The following LRRC53 variants were observed in gnomAD, a reference collection of about 807,000 sequenced individuals.
LRRC53 encodes the protein leucine-rich repeat-containing protein 53.
Under a neutral mutation model 13.6 loss-of-function variants are expected in LRRC53, and 25 were observed. The ratio of observed to expected loss-of-function variants is 1.83; its 90% CI spans 1.34 to 2.56. LRRC53 has a LOEUF of 2.56. LRRC53 is among the 30% of genes most tolerant of loss of function. The probability of loss-of-function intolerance (pLI) is 0.00; values close to 1 mark genes in which losing one functional copy is unlikely to be tolerated. For synonymous variants in LRRC53, 204 were observed against 109.8 expected, an observed-to-expected ratio of 1.86 and a Z score of -5.37; for missense variants, 527 against 275.8, an observed-to-expected ratio of 1.91 and a Z score of -6.45.
At chr1:74,500,473 G>T (rs1178097207) in intron 1 of LRRC53, among the ~76,000 whole-genome samples, 1 of 150,458 alleles carries the variant, frequency 6.6e-6, no homozygotes, top group East Asian at 1.9e-4. Flanking sequence ...GCGTAGTGGC[G>T]GGCGCCTGTA....
At position 74,504,966 on chromosome 1, in the gene LRRC53, A is replaced by G. The variant is rs1669818584; in HGVS notation, c.-27+7560T>C. On this transcript the variant is annotated intron_variant, in intron 1 of 4. Coordinates refer to ENST00000294635, the MANE Select transcript of LRRC53 (RefSeq NM_001382280.1). ...TCGCCGGAGGCAAACTGCTAAATAA[A>G]TGGTGACAGATTTCTCAGTTTTCAA... Among the ~76,000 whole-genome samples, 3 of 152,210 alleles carry G rather than the reference A, an allele frequency of 2.0e-5. No homozygotes were observed. The South Asian group carries it at 6.2e-4, about 32-fold the overall frequency.
At chr1:74,473,529 G>A (rs1445459357) in intron 4 of LRRC53, among the ~76,000 whole-genome samples, 2 of 109,640 alleles carry the variant, frequency 1.8e-5, no homozygotes, top group African/African-American at 7.0e-5. Flanking sequence ...TATTTAAAAG[G>A]CTATTTTTTT....
intron 1 of LRRC53, chr1:74,492,192 T>C: frequency 6.2e-7 from 1 of 1,613,190 alleles, no homozygotes; most frequent in Non-Finnish European, 8.5e-7. Context: ...GCCGGAGTCA[T>C]GTGGCAGCAT....
At chr1:74,506,169 C>T (rs1305408397) in intron 1 of LRRC53, among the ~76,000 whole-genome samples, 5 of 152,084 alleles carry the variant, frequency 3.3e-5, no homozygotes, top group Non-Finnish European at 5.9e-5. Context: ...AGAGAAGACA[C>T]GTTACATGTT....
intron 1 of LRRC53, among the ~76,000 whole-genome samples, chr1:74,507,793 A>G (rs567851508): frequency 6.6e-6 from 1 of 152,224 alleles, no homozygotes; most frequent in East Asian, 1.9e-4. Flanking sequence ...ATCCAGGAAC[A>G]TGGGCTCTGA....
Position 74,469,778 on chromosome 1 carries a change from A to G in LRRC53, c.*100T>C, listed in dbSNP as rs1049646344. On this transcript the variant is annotated 3_prime_UTR_variant, in exon 5 of 5. Transcript: ENST00000294635. ...TTACTGAGGACGTTGTTGTCCTCCA[A>G]AATGATCCACTTCTAATGCATGCAA... 12 of 397,700 alleles carry G rather than the reference A, an allele frequency of 3.0e-5. No homozygotes were observed. The highest frequency in any genetic ancestry group is 4.4e-5 in the Non-Finnish European group (10 of 225,314). 24.6% of individuals were successfully genotyped at this position (397,700 alleles called of 1,614,324 possible).
At chr1:74,526,186 A>G in the LRRC53 span, among the ~76,000 whole-genome samples, 11 of 152,242 alleles carry the variant, frequency 7.2e-5, no homozygotes, top group Admixed American at 3.3e-4. Flanking sequence ...CTTGTCATAA[A>G]GAACAAAGGA....
chr1:74,503,043 A>G (rs1473191437), intron 1 of LRRC53, among the ~76,000 whole-genome samples: 1 of 152,216 alleles, frequency 6.6e-6, no homozygotes, highest in East Asian at 1.9e-4. Flanking sequence ...AACTGAGTAC[A>G]CTGTAAAATT....
At chr1:74,481,256 A>G (rs973584617) in intron 2 of LRRC53, among the ~76,000 whole-genome samples, 1 of 152,174 alleles carries the variant, frequency 6.6e-6, no homozygotes, top group African/African-American at 2.4e-5. Flanking sequence ...GTTTCGGATT[A>G]TCTTCATCGA....
chr1:74,491,430 G>C (rs1264790863), intron 1 of LRRC53, among the ~76,000 whole-genome samples: 2 of 152,108 alleles, frequency 1.3e-5, no homozygotes, highest in Non-Finnish European at 2.9e-5. Flanking sequence ...ATGTTGACCA[G>C]ATGGTGTCGA....
chr1:74,529,434 A>T, the LRRC53 span, among the ~76,000 whole-genome samples: 1 of 152,228 alleles, frequency 6.6e-6, no homozygotes, highest in Non-Finnish European at 1.5e-5. Flanking sequence ...CACGGTTAGG[A>T]AATTCAAGTA....
chr1:74,485,112 G>A (rs917376950), intron 1 of LRRC53, among the ~76,000 whole-genome samples: 1 of 152,162 alleles, frequency 6.6e-6, no homozygotes, highest in Non-Finnish European at 1.5e-5. Context: ...TTTCTAGCTA[G>A]TGATAGACAT....
At chr1:74,510,795 T>C (rs1033295911) in intron 1 of LRRC53, among the ~76,000 whole-genome samples, 1 of 152,238 alleles carries the variant, frequency 6.6e-6, no homozygotes, top group Non-Finnish European at 1.5e-5. Context: ...TCCCTCTAGG[T>C]ACACAGCACT....
chr1:74,485,672 C>T (rs1668721148), intron 1 of LRRC53, among the ~76,000 whole-genome samples: 1 of 152,086 alleles, frequency 6.6e-6, no homozygotes, highest in South Asian at 2.1e-4. Context: ...CTGGGTGAGC[C>T]CTTCAAAAGC....
intron 1 of LRRC53, among the ~76,000 whole-genome samples, chr1:74,489,401 A>T (rs1668932581): frequency 6.6e-6 from 1 of 152,184 alleles, no homozygotes; most frequent in African/African-American, 2.4e-5. Flanking sequence ...CCTATGGTGG[A>T]GCAGAATTAG....
chr1:74,489,177 T>C (rs1335438741), intron 1 of LRRC53: 1 of 1,604,202 alleles, frequency 6.2e-7, no homozygotes. Flanking sequence ...AAGTTCTTTT[T>C]TCTATTTACA....
intron 1 of LRRC53, among the ~76,000 whole-genome samples, chr1:74,492,622 T>A (rs975093844): frequency 6.6e-6 from 1 of 152,174 alleles, no homozygotes; most frequent in Non-Finnish European, 1.5e-5. Flanking sequence ...CAACAGAAGT[T>A]CAGCGTTCTA....
At chr1:74,525,974 A>G in the LRRC53 span, among the ~76,000 whole-genome samples, 1 of 152,238 alleles carries the variant, frequency 6.6e-6, no homozygotes, top group Admixed American at 6.5e-5. Context: ...AAGAATACAC[A>G]GAGGAGGAGA....
chr1:74,510,101 G>T (rs1670108811), intron 1 of LRRC53, among the ~76,000 whole-genome samples: 1 of 152,024 alleles, frequency 6.6e-6, no homozygotes, highest in South Asian at 2.1e-4. Context: ...TTTGTAAAAG[G>T]TAGACAGTTC....
Sources: allele counts gnomAD v4.1 joint callset (sites outside exome capture counted in the v4.1 genomes callset), GRCh38; gene constraint gnomAD v4.1.1; transcripts MANE v1.5; gene names NCBI Gene and HGNC (gene_info 2026-07-23, HGNC 2026-07-21).